Variants in L3MBTL4 observed in about 807,000 individuals in gnomAD.
The protein encoded by L3MBTL4 is L3MBTL histone methyl-lysine binding protein 4.
In L3MBTL4, 70 loss-of-function variants were observed where a neutral mutation model predicts 84.5. The ratio of observed to expected loss-of-function variants is 0.83; its 90% CI spans 0.68 to 1.01. The LOEUF (loss-of-function observed/expected upper bound fraction) is 1.01. Among genes scored for constraint, L3MBTL4 ranks in the 50% least tolerant of loss-of-function variants. L3MBTL4 has a pLI of 0.00. For missense variants in L3MBTL4, 715 were observed against 754.8 expected (o/e 0.95, Z 0.62); for synonymous variants, 274 against 259.8 (o/e 1.05, Z -0.52).
chr18:6,342,183 A>G (rs937322289), intron 1 of L3MBTL4, among the ~76,000 whole-genome samples: 1 of 152,216 alleles, frequency 6.6e-6, no homozygotes, highest in Non-Finnish European at 1.5e-5. Flanking sequence ...GTGAAAACAT[A>G]TGAAAGTATA....
chr18:6,282,799 A>G (rs1309367076), intron 4 of L3MBTL4, among the ~76,000 whole-genome samples: 1 of 152,186 alleles, frequency 6.6e-6, no homozygotes, highest in African/African-American at 2.4e-5. Context: ...ATCAACTGCG[A>G]AGTCCAAGCA....
At chr18:6,128,032 G>GT (rs941558565) in intron 14 of L3MBTL4, among the ~76,000 whole-genome samples, 8 of 138,032 alleles carry the variant, frequency 5.8e-5, no homozygotes, top group Middle Eastern at 3.6e-3. Context: ...AAAATATTGG[G>GT]TGGGGCGGGG....
chr18:6,227,654 T>G (rs578034233), intron 10 of L3MBTL4, among the ~76,000 whole-genome samples: 89 of 152,278 alleles, frequency 5.8e-4, no homozygotes, highest in African/African-American at 1.9e-3. Context: ...AAAACCAGTT[T>G]TAAAAATTAA....
At chr18:6,336,269 T>A (rs959070648) in intron 1 of L3MBTL4, among the ~76,000 whole-genome samples, 4 of 151,460 alleles carry the variant, frequency 2.6e-5, no homozygotes, top group South Asian at 2.1e-4. Flanking sequence ...AAGGAGAAAC[T>A]CAGAGAGATA....
intron 16 of L3MBTL4, among the ~76,000 whole-genome samples, chr18:6,020,463 G>A (rs941233076): frequency 1.3e-5 from 2 of 152,156 alleles, no homozygotes; most frequent in Admixed American, 1.3e-4. Context: ...AGCTGGAGAG[G>A]CTGCTGAAGG....
chr18:5,986,524 C>T (rs2053472036), intron 16 of L3MBTL4, among the ~76,000 whole-genome samples: 1 of 152,250 alleles, frequency 6.6e-6, no homozygotes, highest in Non-Finnish European at 1.5e-5. Flanking sequence ...GAGCTTTCAT[C>T]TCCCTTCATT....
chr18:6,318,912 T>C (rs1460114891), intron 1 of L3MBTL4, among the ~76,000 whole-genome samples: 1 of 151,990 alleles, frequency 6.6e-6, no homozygotes, highest in Admixed American at 6.6e-5. Context: ...TTTTAACATA[T>C]CAAAATCATA....
intron 1 of L3MBTL4, among the ~76,000 whole-genome samples, chr18:6,359,441 G>T (rs1388612919): frequency 1.3e-5 from 2 of 152,028 alleles, no homozygotes; most frequent in Admixed American, 6.5e-5. Context: ...TGAGACTCCA[G>T]CTCAAAAAAA....
intron 16 of L3MBTL4, among the ~76,000 whole-genome samples, chr18:5,977,480 T>G (rs1301910545): frequency 1.3e-5 from 2 of 152,166 alleles, no homozygotes; most frequent in Non-Finnish European, 2.9e-5. Context: ...AGGCTCCCTG[T>G]GCCTTGCTGC....
intron 16 of L3MBTL4, among the ~76,000 whole-genome samples, chr18:6,071,024 T>G (rs1254712856): frequency 6.6e-6 from 1 of 152,162 alleles, no homozygotes; most frequent in Admixed American, 6.5e-5. Context: ...ACATGAATTT[T>G]GGTTTAAAAA....
chr18:5,988,203 C>T (rs909506410), intron 16 of L3MBTL4, among the ~76,000 whole-genome samples: 1 of 152,194 alleles, frequency 6.6e-6, no homozygotes, highest in Non-Finnish European at 1.5e-5. Flanking sequence ...TGCAGCATCA[C>T]AGAAAGTTAC....
At chr18:5,964,440 C>T (rs1177310155) in intron 17 of L3MBTL4, among the ~76,000 whole-genome samples, 1 of 152,210 alleles carries the variant, frequency 6.6e-6, no homozygotes, top group African/African-American at 2.4e-5. Context: ...CCTGACTCTA[C>T]TGGCTAATCG....
intron 17 of L3MBTL4, 22 bp downstream of exon 17, chr18:5,969,371 G>GC (rs1413826206): frequency 6.2e-7 from 1 of 1,612,998 alleles, no homozygotes. Context: ...CCCAGCCCTG[G>GC]CCCCCCAGCA....
intron 12 of L3MBTL4, among the ~76,000 whole-genome samples, chr18:6,181,174 T>A (rs2145350269): frequency 6.6e-6 from 1 of 151,520 alleles, no homozygotes; most frequent in Non-Finnish European, 1.5e-5. Flanking sequence ...TTTTTTTGCA[T>A]TTTACATTCT....
intron 14 of L3MBTL4, among the ~76,000 whole-genome samples, chr18:6,130,724 C>T (rs908537732): frequency 6.6e-6 from 1 of 152,168 alleles, no homozygotes; most frequent in Admixed American, 6.5e-5. Flanking sequence ...TGGACCTTGA[C>T]TCAAAAGTAA....
intron 6 of L3MBTL4, 34 bp downstream of exon 6, chr18:6,244,450 G>T: frequency 7.8e-7 from 1 of 1,278,802 alleles, no homozygotes; most frequent in Non-Finnish European, 1.1e-6. Context: ...CTGTCACTAG[G>T]CAATTAGCCC....
chr18:6,172,275 T>C (rs1376412292), intron 12 of L3MBTL4, among the ~76,000 whole-genome samples: 1 of 152,200 alleles, frequency 6.6e-6, no homozygotes, highest in Non-Finnish European at 1.5e-5. Context: ...CCTGAGCGAC[T>C]GTCCTATTAA....
intron 16 of L3MBTL4, chr18:6,029,440 A>C: frequency 9.3e-6 from 9 of 962,980 alleles, no homozygotes; most frequent in Non-Finnish European, 1.1e-5. Flanking sequence ...ACATGAAAAA[A>C]ATTACAAATT....
intron 14 of L3MBTL4, among the ~76,000 whole-genome samples, chr18:6,135,536 C>A (rs1598866577): frequency 6.6e-6 from 1 of 152,304 alleles, no homozygotes; most frequent in East Asian, 1.9e-4. Flanking sequence ...TTTCTTCCAC[C>A]AGATACCCTA....
Sources: allele counts gnomAD v4.1 joint callset (sites outside exome capture counted in the v4.1 genomes callset), GRCh38; gene constraint gnomAD v4.1.1; transcripts MANE v1.5; gene names NCBI Gene and HGNC (gene_info 2026-07-23, HGNC 2026-07-21).